Variants in ZMYND11 observed in about 807,000 individuals in gnomAD.
ZMYND11 encodes the protein zinc finger MYND domain-containing protein 11.
In ZMYND11, 9 loss-of-function variants were observed where a neutral mutation model predicts 84.9. The ratio of observed to expected loss-of-function variants is 0.11; its 90% confidence interval spans 0.06 to 0.18. ZMYND11 has a LOEUF of 0.18. Ranked by LOEUF, ZMYND11 falls within the 10% of genes least tolerant of loss-of-function variation. The pLI, the probability that ZMYND11 is intolerant of heterozygous loss-of-function variation, is 1.00. For synonymous variants in ZMYND11, 250 were observed against 244.1 expected (o/e 1.02, Z -0.23); for missense variants, 409 against 761.0 (o/e 0.54, Z 5.44).
At position 164,142 on chromosome 10, in the gene ZMYND11, T is replaced by C. The variant is rs578007252; in HGVS notation, c.-19-15852T>C. Reference sequence around the variant, plus strand: ...GTCATATTGCAATCCAAGCTACTTATTGTAGCTTTAGATTCTGTATGATTT... The same window carrying C: ...GTCATATTGCAATCCAAGCTACTTACTGTAGCTTTAGATTCTGTATGATTT... On this transcript the variant is annotated intron_variant, in intron 1 of 14. Coordinates refer to ENST00000381604, the MANE Select transcript of ZMYND11 (RefSeq NM_001370100.5). Among the ~76,000 whole-genome samples, 13 of 152,302 alleles carry C rather than the reference T, an allele frequency of 8.5e-5. No individual in the cohort carries two copies. In the South Asian group the frequency reaches 2.7e-3, roughly 32 times the overall value.
In ZMYND11 at chr10:157,835, C is replaced by T. The variant is rs953091196; in HGVS notation, c.-19-22159C>T. ...GTCTAATTCCAGAGCATTTTCACTA[C>T]CCCAAAAAGAAACCCCAGATCCAAT... On this transcript the variant is annotated intron_variant, in intron 1 of 14. Coordinates refer to ENST00000381604, the MANE Select transcript of ZMYND11 (RefSeq NM_001370100.5). Among the ~76,000 whole-genome samples the T allele has an allele frequency of 4.6e-5, 7 of 152,150 alleles. No individual in the cohort carries two copies. The East Asian group carries it at 1.2e-3, about 25-fold the overall frequency.
intron 1 of ZMYND11, among the ~76,000 whole-genome samples, chr10:170,664 C>T (rs1464578257): frequency 6.6e-6 from 1 of 151,890 alleles, no homozygotes; most frequent in Non-Finnish European, 1.5e-5. Flanking sequence ...CTAGGGAAAC[C>T]ACTACAAATA....
intron 2 of ZMYND11, among the ~76,000 whole-genome samples, chr10:192,789 A>T (rs1940783957): frequency 6.6e-6 from 1 of 152,028 alleles, no homozygotes; most frequent in South Asian, 2.1e-4. Flanking sequence ...TTTATCTGTT[A>T]ATGAGTTTAG....
chr10:200,608 G>A (rs1195011939), intron 2 of ZMYND11, among the ~76,000 whole-genome samples: 1 of 151,666 alleles, frequency 6.6e-6, no homozygotes, highest in East Asian at 1.9e-4. Context: ...CATAAGTCTT[G>A]CCCCATCTCA....
chr10:146,491 A>G (rs536489160), intron 1 of ZMYND11, among the ~76,000 whole-genome samples: 31 of 152,268 alleles, frequency 2.0e-4, no homozygotes, highest in Admixed American at 8.5e-4. Flanking sequence ...GATTTTTCCA[A>G]TCCATGAACA....
rs1952596831 is a variant in ZMYND11, at chr10:248,268, G to A, written c.1228-68G>A. On this transcript the variant is annotated intron_variant, in intron 12 of 14. Coordinates refer to ENST00000381604, the MANE Select transcript of ZMYND11 (RefSeq NM_001370100.5). Reference sequence around the variant, plus strand: ...TATATCACTGAATTTTTATCCGAATGGGGTAGTTCTTGAACTGGTGAATTA... The same window carrying A: ...TATATCACTGAATTTTTATCCGAATAGGGTAGTTCTTGAACTGGTGAATTA... 1.9e-6 allele frequency: 3 copies of A among 1,541,578 alleles called. No individual in the cohort carries two copies. The highest frequency in any genetic ancestry group is 1.4e-5 in the African/African-American group (1 of 72,626).
intron 2 of ZMYND11, among the ~76,000 whole-genome samples, chr10:192,018 C>T (rs746284204): frequency 6.6e-6 from 1 of 152,174 alleles, no homozygotes; most frequent in Non-Finnish European, 1.5e-5. Flanking sequence ...GTTGACTTTA[C>T]TAATTTTACT....
intron 3 of ZMYND11, among the ~76,000 whole-genome samples, chr10:211,395 A>C (rs1187243918): frequency 6.6e-6 from 1 of 152,200 alleles, no homozygotes; most frequent in Admixed American, 6.5e-5. Flanking sequence ...AAATTATAAA[A>C]ATGACATAGA....
intron 1 of ZMYND11, among the ~76,000 whole-genome samples, chr10:175,846 G>C (rs1846488798): frequency 6.6e-6 from 1 of 152,070 alleles, no homozygotes; most frequent in Non-Finnish European, 1.5e-5. Context: ...AATAATATTT[G>C]ATGCAAATAT....
At chr10:214,304 CAG>C (rs1172800703) in intron 3 of ZMYND11, among the ~76,000 whole-genome samples, 3 of 152,144 alleles carry the variant, frequency 2.0e-5, no homozygotes, top group African/African-American at 7.2e-5. Flanking sequence ...GTCAAGCAAA[CAG>C]AAGTATACGT....
chr10:211,018 C>T (rs11250975), intron 3 of ZMYND11, among the ~76,000 whole-genome samples: 35,990 of 151,070 alleles, frequency 0.24, 4,596 homozygotes, highest in Middle Eastern at 0.33. Context: ...AATACACAAC[C>T]CCATCTCTAC....
At chr10:226,817 T>C (rs1948220614) in intron 4 of ZMYND11, among the ~76,000 whole-genome samples, 1 of 152,198 alleles carries the variant, frequency 6.6e-6, no homozygotes, top group Non-Finnish European at 1.5e-5. Flanking sequence ...CTATTCTTTA[T>C]ATCATTAACA....
At chr10:250,086 T>C (rs1283932508) in intron 14 of ZMYND11, among the ~76,000 whole-genome samples, 1 of 152,238 alleles carries the variant, frequency 6.6e-6, no homozygotes, top group African/African-American at 2.4e-5. Context: ...AACTTTTCCA[T>C]GTTCTTCTTT....
intron 10 of ZMYND11, 73 bp downstream of exon 10, chr10:242,212 C>CATCAGAGATGCATGAAGTTTATTTTAA: frequency 6.5e-7 from 1 of 1,548,088 alleles, no homozygotes; most frequent in Non-Finnish European, 8.8e-7. Context: ...ATGATTTCTC[C>CATCAGAGATGCATGAAGTTTATTTTAA]ATCAGAGATG....
intron 1 of ZMYND11, among the ~76,000 whole-genome samples, chr10:150,395 T>G (rs1554756639): frequency 6.6e-6 from 1 of 152,268 alleles, no homozygotes; most frequent in Non-Finnish European, 1.5e-5. Context: ...CTAGTTTATT[T>G]GCGTAGAAGT....
intron 2 of ZMYND11, among the ~76,000 whole-genome samples, chr10:205,548 G>C (rs1483834673): frequency 6.6e-6 from 1 of 151,984 alleles, no homozygotes; most frequent in African/African-American, 2.4e-5. Context: ...AAGTTAGTCA[G>C]GTGTAGTGGT....
intron 1 of ZMYND11, among the ~76,000 whole-genome samples, chr10:138,587 CCTAA>C (rs775389762): frequency 9.2e-5 from 14 of 152,156 alleles, no homozygotes; most frequent in East Asian, 1.9e-4. Flanking sequence ...ACTACTTGGA[CCTAA>C]CTAAGAATTT....
At chr10:238,482 G>A (rs989526919) in intron 6 of ZMYND11, among the ~76,000 whole-genome samples, 5 of 151,698 alleles carry the variant, frequency 3.3e-5, no homozygotes, top group East Asian at 1.9e-4. Flanking sequence ...TCAGCCTCCC[G>A]AGTAGCTGGG....
intron 4 of ZMYND11, among the ~76,000 whole-genome samples, chr10:230,738 T>G (rs1052802714): frequency 6.6e-6 from 1 of 152,184 alleles, no homozygotes; most frequent in African/African-American, 2.4e-5. Flanking sequence ...ACACACAGAC[T>G]TGGGTATAAC....
Sources: allele counts gnomAD v4.1 joint callset (sites outside exome capture counted in the v4.1 genomes callset), GRCh38; gene constraint gnomAD v4.1.1; transcripts MANE v1.5; gene names NCBI Gene and HGNC (gene_info 2026-07-23, HGNC 2026-07-21).